PIK3CB: variants seen among roughly 807,000 people sequenced by gnomAD.
PIK3CB encodes phosphatidylinositol-4,5-bisphosphate 3-kinase catalytic subunit beta.
Under a neutral mutation model 136.8 loss-of-function variants are expected in PIK3CB, and 39 were observed. That is an observed-to-expected ratio of 0.29 (90% confidence interval 0.22 to 0.37). The LOEUF is 0.37. PIK3CB is among the 10% of genes least tolerant of loss of function. The pLI is 1.00. For missense variants in PIK3CB, 868 were observed against 1,275.4 expected, an observed-to-expected ratio of 0.68 and a Z score of 4.87; for synonymous variants, 428 against 436.6, an observed-to-expected ratio of 0.98 and a Z score of 0.25.
Position 138,759,354 on chromosome 3 carries a change from G to C in PIK3CB, c.-11C>G, listed in dbSNP as rs762092388. On this transcript the variant is annotated 5_prime_UTR_variant, in exon 3 of 24. Transcript: ENST00000674063. Reference sequence around the variant, plus strand: ...GAAACTGAAGCACATTCATAACCACGGGGCCCTAGAAATCAGTAATTAAAA... The same window carrying C: ...GAAACTGAAGCACATTCATAACCACCGGGCCCTAGAAATCAGTAATTAAAA... 6.3e-7 allele frequency: 1 copy of C among 1,594,330 alleles called. No homozygotes were observed. Among genetic ancestry groups the C allele is most frequent in the African/African-American group, 1.3e-5 (1 of 74,732 alleles).
chr3:138,743,666 G>A (rs1486845356), intron 4 of PIK3CB, among the ~76,000 whole-genome samples: 3 of 151,572 alleles, frequency 2.0e-5, no homozygotes, highest in South Asian at 2.1e-4. Context: ...GGGCTCAAGC[G>A]ATCCTCCCAC....
chr3:138,772,086 A>G (rs1319816718), intron 2 of PIK3CB, among the ~76,000 whole-genome samples: 3 of 152,204 alleles, frequency 2.0e-5, no homozygotes, highest in Non-Finnish European at 4.4e-5. Flanking sequence ...GACCCACCTG[A>G]TGGCATCCAC....
chr3:138,801,484 G>A (rs1660672560), intron 1 of PIK3CB, among the ~76,000 whole-genome samples: 1 of 152,010 alleles, frequency 6.6e-6, no homozygotes, highest in Non-Finnish European at 1.5e-5. Context: ...TAATCCTAAA[G>A]CTTTGAGACA....
rs777754324 is a variant in PIK3CB at position 138,663,954 on chromosome 3, C to T, written c.2748G>A (p.Gly916=). Reference sequence around the variant, plus strand: ...TGTTGTCACTATGTCTGTCACCAATCCCAAGGACATAAGAAGCTACACAGT... The same window carrying T: ...TGTTGTCACTATGTCTGTCACCAATTCCAAGGACATAAGAAGCTACACAGT... The part of the protein sequence containing the change: ...AGYCVASYVL[G]IGDRHSDNIM... Residue 916 remains glycine, a synonymous_variant, in exon 21 of 24, where the codon GGG becomes GGA. Coordinates refer to ENST00000674063, the MANE Select transcript of PIK3CB (RefSeq NM_006219.3). The T allele has an allele frequency of 2.5e-6, 4 of 1,614,036 alleles. No homozygotes were observed. Among genetic ancestry groups the T allele is most frequent in the Non-Finnish European group, 3.4e-6 (4 of 1,179,980 alleles).
At chr3:138,773,561 T>A (rs1030769897) in intron 2 of PIK3CB, among the ~76,000 whole-genome samples, 4 of 152,154 alleles carry the variant, frequency 2.6e-5, no homozygotes, top group African/African-American at 9.7e-5. Flanking sequence ...ACAGCTAGCC[T>A]CTTTAAAATA....
intron 14 of PIK3CB, among the ~76,000 whole-genome samples, chr3:138,691,525 CAGTG>C (rs2044008013): frequency 6.6e-6 from 1 of 152,168 alleles, no homozygotes; most frequent in African/African-American, 2.4e-5. Flanking sequence ...AGTCTCATGA[CAGTG>C]AGTGAGTTCT....
chr3:138,763,121 A>AGTATGTATGTATGTATGCAT (rs2045685063), intron 2 of PIK3CB, among the ~76,000 whole-genome samples: 2 of 149,534 alleles, frequency 1.3e-5, no homozygotes, highest in Admixed American at 6.7e-5. Flanking sequence ...AATGAAAGTT[A>AGTATGTATGTATGTATGCAT]GTATGTATGT....
chr3:138,659,706 G>A (rs553604548), intron 21 of PIK3CB, among the ~76,000 whole-genome samples: 36 of 151,954 alleles, frequency 2.4e-4, no homozygotes, highest in Non-Finnish European at 3.8e-4. Flanking sequence ...TTCTCTTTAC[G>A]TCTGATGCAC....
At chr3:138,685,441 T>C (rs1189380894) in intron 16 of PIK3CB, among the ~76,000 whole-genome samples, 2 of 67,722 alleles carry the variant, frequency 3.0e-5, no homozygotes, top group African/African-American at 5.5e-5. Context: ...AGAAAGAAGA[T>C]AAATATGAAA....
intron 8 of PIK3CB, among the ~76,000 whole-genome samples, chr3:138,730,139 A>G (rs1377590976): frequency 1.3e-5 from 2 of 152,222 alleles, no homozygotes; most frequent in African/African-American, 4.8e-5. Flanking sequence ...AAAGAGAACT[A>G]CAGTGCTAGG....
At chr3:138,785,388 T>A (rs1334372070) in intron 2 of PIK3CB, among the ~76,000 whole-genome samples, 3 of 151,832 alleles carry the variant, frequency 2.0e-5, no homozygotes, top group Non-Finnish European at 4.4e-5. Flanking sequence ...AAGGGGGAAA[T>A]GTGGGGAAAA....
intron 1 of PIK3CB, among the ~76,000 whole-genome samples, chr3:138,816,340 T>C (rs1310798657): frequency 2.6e-5 from 4 of 152,120 alleles, no homozygotes; most frequent in Admixed American, 2.6e-4. Flanking sequence ...ACGCCTATAA[T>C]TCCAGCACTT....
intron 9 of PIK3CB, among the ~76,000 whole-genome samples, chr3:138,714,015 A>G (rs1259431476): frequency 6.6e-6 from 1 of 152,218 alleles, no homozygotes; most frequent in Non-Finnish European, 1.5e-5. Flanking sequence ...ATGTTTGATG[A>G]CACATTTATG....
chr3:138,692,898 A>G (rs2044039221), intron 14 of PIK3CB, among the ~76,000 whole-genome samples: 1 of 152,224 alleles, frequency 6.6e-6, no homozygotes, highest in Non-Finnish European at 1.5e-5. Context: ...GGGAGACTGT[A>G]CAAACATGTT....
intron 19 of PIK3CB, among the ~76,000 whole-genome samples, chr3:138,674,332 A>G (rs1376410335): frequency 6.6e-6 from 1 of 152,156 alleles, no homozygotes; most frequent in East Asian, 1.9e-4. Flanking sequence ...TGACTGTTGA[A>G]GGCATGACCC....
At chr3:138,765,760 G>C (rs1403668087) in intron 2 of PIK3CB, among the ~76,000 whole-genome samples, 1 of 151,716 alleles carries the variant, frequency 6.6e-6, no homozygotes, top group African/African-American at 2.4e-5. Flanking sequence ...AGGCTAAGAT[G>C]GGAGAATCAC....
chr3:138,673,794 C>T (rs903939925), intron 19 of PIK3CB, among the ~76,000 whole-genome samples: 1 of 152,112 alleles, frequency 6.6e-6, no homozygotes, highest in African/African-American at 2.4e-5. Context: ...GTAGCCTTGA[C>T]AACAAATAGC....
chr3:138,761,093 C>G (rs1020488608), intron 2 of PIK3CB, among the ~76,000 whole-genome samples: 4 of 152,034 alleles, frequency 2.6e-5, no homozygotes, highest in African/African-American at 9.7e-5. Flanking sequence ...TACAATCGTC[C>G]GTGTCTGTCT....
chr3:138,769,634 G>A (rs2045776414), intron 2 of PIK3CB, among the ~76,000 whole-genome samples: 1 of 152,164 alleles, frequency 6.6e-6, no homozygotes, highest in Admixed American at 6.5e-5. Context: ...CATGTGTTTT[G>A]TCAGACTTAA....
Sources: gnomAD v4.1 joint callset for allele counts (sites outside exome capture counted in the v4.1 genomes callset) on GRCh38, gnomAD v4.1.1 for gene constraint, MANE v1.5 for transcripts, NCBI Gene and HGNC (gene_info 2026-07-23, HGNC 2026-07-21) for gene names.